The following LARGE1 variants were observed in gnomAD, a reference collection of about 807,000 sequenced individuals.
The protein encoded by LARGE1 is LARGE xylosyl- and glucuronyltransferase 1, also known as xylosyl- and glucuronyltransferase LARGE1.
LARGE1 carries 43 observed loss-of-function variants against 87.6 expected under a neutral mutation model. The ratio of observed to expected loss-of-function variants is 0.49; its 90% CI spans 0.38 to 0.63. LARGE1 has a LOEUF of 0.63. Among genes scored for constraint, LARGE1 ranks in the 30% least tolerant of loss-of-function variants. LARGE1 has a pLI of 0.00. For missense variants in LARGE1, 802 were observed against 1,000.2 expected (o/e 0.80, Z 2.67); for synonymous variants, 434 against 394.6 (o/e 1.10, Z -1.18).
intron 11 of LARGE1, among the ~76,000 whole-genome samples, chr22:33,191,648 G>A (rs748300016): frequency 1.3e-5 from 2 of 152,206 alleles, no homozygotes; most frequent in Non-Finnish European, 2.9e-5. Context: ...TTGGCCAGTG[G>A]TGCTGGCAAG....
chr22:33,290,536 C>A (rs528917762), intron 12 of LARGE1, among the ~76,000 whole-genome samples: 241 of 152,264 alleles, frequency 1.6e-3, no homozygotes, highest in African/African-American at 5.6e-3. Context: ...AAAGAGACTG[C>A]GATGAGCACC....
At chr22:33,868,198 C>T (rs753523127) in intron 1 of LARGE1, among the ~76,000 whole-genome samples, 2 of 152,166 alleles carry the variant, frequency 1.3e-5, no homozygotes, top group African/African-American at 4.8e-5. Context: ...CTCACATGTG[C>T]ATGGGTGTGT....
intron 9 of LARGE1, among the ~76,000 whole-genome samples, chr22:33,359,626 C>T (rs1250702449): frequency 6.8e-6 from 1 of 146,502 alleles, no homozygotes; most frequent in African/African-American, 2.5e-5. Flanking sequence ...CTCAGTGGCG[C>T]GATCTTGGCT....
chr22:33,075,840 T>A, the LARGE1 span, among the ~76,000 whole-genome samples: 10 of 152,148 alleles, frequency 6.6e-5, no homozygotes, highest in Admixed American at 6.5e-4. Flanking sequence ...AATGGAAAAT[T>A]TTCCTTTCAT....
the LARGE1 span, among the ~76,000 whole-genome samples, chr22:33,081,530 C>T: frequency 1.3e-5 from 2 of 152,166 alleles, no homozygotes; most frequent in Non-Finnish European, 1.5e-5. Flanking sequence ...GTAGGCAATA[C>T]GGGTGCAGGG....
At chr22:33,881,476 G>T (rs2064681512) in intron 1 of LARGE1, among the ~76,000 whole-genome samples, 1 of 152,176 alleles carries the variant, frequency 6.6e-6, no homozygotes, top group Admixed American at 6.5e-5. Flanking sequence ...TTATAATTGG[G>T]TTTATCAAAT....
At chr22:33,850,974 C>A (rs892772286) in intron 1 of LARGE1, among the ~76,000 whole-genome samples, 1 of 152,184 alleles carries the variant, frequency 6.6e-6, no homozygotes, top group African/African-American at 2.4e-5. Context: ...CCTATGGCAA[C>A]CCCCATTTCT....
chr22:33,351,180 T>C (rs1438553404), intron 9 of LARGE1, among the ~76,000 whole-genome samples: 1 of 152,240 alleles, frequency 6.6e-6, no homozygotes, highest in African/African-American at 2.4e-5. Context: ...AGTGTGCAAT[T>C]AATATCTGTT....
intron 11 of LARGE1, among the ~76,000 whole-genome samples, chr22:33,202,134 C>T (rs2146212831): frequency 6.6e-6 from 1 of 151,946 alleles, no homozygotes; most frequent in East Asian, 1.9e-4. Context: ...ATTCTGGCTG[C>T]TGTGCTGAGA....
Position 33,690,963 on chromosome 22 carries a change from C to T in LARGE1, c.107-40295G>A, listed in dbSNP as rs373766127. On this transcript the variant is annotated intron_variant, in intron 2 of 14. Coordinates refer to ENST00000397394, the MANE Select transcript of LARGE1 (RefSeq NM_133642.5). The stretch of plus-strand genomic sequence containing the variant: ...GGCGCTCATGTGGACCCTGCCATGG[C>T]GCCTCCACAACAAGCCTGCCAGTTA... Among the ~76,000 whole-genome samples, 7 of 152,282 alleles carry T rather than the reference C, an allele frequency of 4.6e-5. No individual in the cohort carries two copies. The East Asian group carries it at 1.2e-3, about 25-fold the overall frequency.
intron 2 of LARGE1, among the ~76,000 whole-genome samples, chr22:33,756,452 G>C (rs372398893): frequency 3.9e-5 from 6 of 152,288 alleles, no homozygotes; most frequent in African/African-American, 1.4e-4. Context: ...AGGGAGCCAA[G>C]GAAGCCTGCT....
chr22:33,590,533 G>A (rs533871930), intron 5 of LARGE1, among the ~76,000 whole-genome samples: 30 of 152,260 alleles, frequency 2.0e-4, no homozygotes, highest in African/African-American at 6.7e-4. Context: ...GATCGCCCTC[G>A]AAAATGCCCT....
chr22:33,736,198 C>CA (rs2083650051), intron 2 of LARGE1, among the ~76,000 whole-genome samples: 5 of 152,288 alleles, frequency 3.3e-5, no homozygotes. Flanking sequence ...CCACATTTCA[C>CA]TTTTTTTGGA....
intron 11 of LARGE1, among the ~76,000 whole-genome samples, chr22:33,305,279 G>C (rs1280115018): frequency 1.3e-5 from 2 of 151,648 alleles, no homozygotes; most frequent in Non-Finnish European, 2.9e-5. Context: ...ACTACCCCAG[G>C]GCGCCAGGCA....
intron 1 of LARGE1, among the ~76,000 whole-genome samples, chr22:33,900,027 T>C (rs887223307): frequency 6.6e-6 from 1 of 152,176 alleles, no homozygotes; most frequent in African/African-American, 2.4e-5. Flanking sequence ...AGAAATGCAG[T>C]CTGAAAACAT....
At chr22:33,313,113 T>C (rs942691359) in intron 11 of LARGE1, among the ~76,000 whole-genome samples, 1 of 152,158 alleles carries the variant, frequency 6.6e-6, no homozygotes, top group Non-Finnish European at 1.5e-5. Context: ...CTTGCCTACC[T>C]GGCCATGTGT....
Position 33,542,087 on chromosome 22 carries a change from A to G in LARGE1, c.787+22761T>C, listed in dbSNP as rs527546971. ...TGAGGCAGGAGAAACCCTTGAACCA[A>G]GGAGGTAGAGGTTGCATTGAGCCGA... On this transcript the variant is annotated intron_variant, in intron 6 of 14. Coordinates refer to ENST00000397394, the MANE Select transcript of LARGE1 (RefSeq NM_133642.5). Among the ~76,000 whole-genome samples, 635 of 148,306 alleles carry G rather than the reference A, an allele frequency of 4.3e-3. 4 individuals carry two copies. Among genetic ancestry groups the G allele is most frequent in the African/African-American group, 0.015 (601 of 40,726 alleles).
At chr22:33,475,942 G>A (rs897900386) in intron 6 of LARGE1, among the ~76,000 whole-genome samples, 3 of 152,176 alleles carry the variant, frequency 2.0e-5, no homozygotes, top group Non-Finnish European at 4.4e-5. Context: ...AAATCACTAA[G>A]CCAAAGATAA....
chr22:33,220,011 C>G (rs1223347864), intron 11 of LARGE1, among the ~76,000 whole-genome samples: 1 of 152,208 alleles, frequency 6.6e-6, no homozygotes, highest in Non-Finnish European at 1.5e-5. Flanking sequence ...AAAGTCCACT[C>G]TAACCTTGAT....
Sources: allele counts gnomAD v4.1 joint callset (sites outside exome capture counted in the v4.1 genomes callset), GRCh38; gene constraint gnomAD v4.1.1; transcripts MANE v1.5; gene names NCBI Gene and HGNC (gene_info 2026-07-23, HGNC 2026-07-21).